Variants in CACNA2D3 observed in about 807,000 individuals in gnomAD.
CACNA2D3 encodes voltage-dependent calcium channel subunit alpha-2/delta-3.
In CACNA2D3, 60 loss-of-function variants were observed where a neutral mutation model predicts 160.6. The ratio of observed to expected loss-of-function variants is 0.37; its 90% confidence interval spans 0.30 to 0.46. CACNA2D3 has a LOEUF of 0.46. Among genes scored for constraint, CACNA2D3 ranks in the 20% least tolerant of loss-of-function variants. The pLI, the probability that CACNA2D3 is intolerant of heterozygous loss-of-function variation, is 1.00. For missense variants in CACNA2D3, 1,205 were observed against 1,365.0 expected (o/e 0.88, Z 1.85); for synonymous variants, 558 against 492.9 (o/e 1.13, Z -1.75).
At chr3:54,458,852 A>G (rs1054539288) in intron 4 of CACNA2D3, among the ~76,000 whole-genome samples, 36 of 152,004 alleles carry the variant, frequency 2.4e-4, no homozygotes, top group Non-Finnish European at 8.8e-5. Flanking sequence ...TACATGTGCC[A>G]TGCTGGTGTG....
chr3:54,990,184 A>G (rs952037212), intron 31 of CACNA2D3, among the ~76,000 whole-genome samples: 9 of 152,160 alleles, frequency 5.9e-5, no homozygotes, highest in Admixed American at 5.2e-4. Context: ...CTTGGACAGC[A>G]CCGGGCTGGC....
intron 11 of CACNA2D3, among the ~76,000 whole-genome samples, chr3:54,691,270 G>T (rs1246641003): frequency 6.6e-6 from 1 of 152,214 alleles, no homozygotes; most frequent in Non-Finnish European, 1.5e-5. Flanking sequence ...TAACAGTGTG[G>T]CCCTACATTG....
rs560668734 is a variant in CACNA2D3, at chr3:54,560,447, T to A, written c.545-2353T>A. Among the ~76,000 whole-genome samples the A allele has an allele frequency of 6.6e-5, 10 of 152,338 alleles. No individual in the cohort carries two copies. The South Asian group carries it at 2.1e-3, about 32-fold the overall frequency. On this transcript the variant is annotated intron_variant, in intron 5 of 37. Transcript: ENST00000474759. ...TTAATAGGATTGTTTTTCTTGTAAA[T>A]TTGTTTAAGTTCCTTATAGATGCTG...
chr3:54,612,695 C>A (rs1698767953), intron 9 of CACNA2D3, among the ~76,000 whole-genome samples: 1 of 152,112 alleles, frequency 6.6e-6, no homozygotes, highest in Admixed American at 6.5e-5. Flanking sequence ...TAGATAAGGT[C>A]CAGGGCGCTG....
At chr3:54,861,056 G>A (rs1397936186) in intron 17 of CACNA2D3, among the ~76,000 whole-genome samples, 1 of 152,134 alleles carries the variant, frequency 6.6e-6, no homozygotes, top group Non-Finnish European at 1.5e-5. Context: ...ACTGTCCTAG[G>A]CATGTGGTCC....
chr3:54,688,141 A>C (rs1700505375), intron 11 of CACNA2D3, among the ~76,000 whole-genome samples: 1 of 152,212 alleles, frequency 6.6e-6, no homozygotes, highest in Non-Finnish European at 1.5e-5. Flanking sequence ...AAACAGAAGA[A>C]AAGAATTAGC....
chr3:54,335,796 G>A (rs1375481703), intron 3 of CACNA2D3, among the ~76,000 whole-genome samples: 2 of 152,062 alleles, frequency 1.3e-5, no homozygotes, highest in Non-Finnish European at 2.9e-5. Context: ...ATGAGGTCAG[G>A]AGATCTAGAC....
At chr3:54,276,866 T>A (rs1035106997) in intron 2 of CACNA2D3, among the ~76,000 whole-genome samples, 5 of 152,262 alleles carry the variant, frequency 3.3e-5, no homozygotes, top group African/African-American at 1.2e-4. Flanking sequence ...CAGCTTTCCT[T>A]GATTGGGTTG....
In CACNA2D3 at chr3:54,280,678, A is replaced by G. The variant is rs1173073588; in HGVS notation, c.205-39764A>G. On this transcript the variant is annotated intron_variant, in intron 2 of 37. Coordinates refer to ENST00000474759, the MANE Select transcript of CACNA2D3 (RefSeq NM_018398.3). ...ATACAGTTTCCCCCTCAAGTTTAGC[A>G]ATAACAACCCTTCCCGACTCTGTTC... Among the ~76,000 whole-genome samples, 8 of 152,232 alleles carry G rather than the reference A, an allele frequency of 5.3e-5. No individual in the cohort carries two copies. In the East Asian group the frequency reaches 1.4e-3, roughly 26 times the overall value.
intron 35 of CACNA2D3, among the ~76,000 whole-genome samples, chr3:55,051,768 G>A (rs879231884): frequency 7.2e-5 from 11 of 152,140 alleles, no homozygotes; most frequent in East Asian, 1.9e-4. Context: ...CTCCGTGGGC[G>A]TAGGACCCTC....
At chr3:54,432,667 T>C (rs1700006493) in intron 4 of CACNA2D3, among the ~76,000 whole-genome samples, 1 of 152,204 alleles carries the variant, frequency 6.6e-6, no homozygotes. Context: ...ATTAAGAATG[T>C]GAGGCTTTCA....
At chr3:54,706,334 G>C (rs142160075) in intron 11 of CACNA2D3, among the ~76,000 whole-genome samples, 254 of 152,292 alleles carry the variant, frequency 1.7e-3, no homozygotes, top group African/African-American at 5.9e-3. Context: ...TCCCAAAGTC[G>C]TGGCAGTTCT....
intron 13 of CACNA2D3, among the ~76,000 whole-genome samples, chr3:54,797,714 G>C (rs1286533623): frequency 6.6e-6 from 1 of 152,160 alleles, no homozygotes; most frequent in Non-Finnish European, 1.5e-5. Flanking sequence ...GTCCTCTAAA[G>C]ATGAGTTCCA....
chr3:54,932,855 G>C (rs958728531), intron 27 of CACNA2D3, among the ~76,000 whole-genome samples: 8 of 152,222 alleles, frequency 5.3e-5, no homozygotes, highest in Non-Finnish European at 1.0e-4. Context: ...GCCAGGAATA[G>C]TGGGGAGTAG....
intron 35 of CACNA2D3, among the ~76,000 whole-genome samples, chr3:55,056,839 A>T (rs1023948668): frequency 6.6e-6 from 1 of 152,204 alleles, no homozygotes; most frequent in East Asian, 1.9e-4. Context: ...AAGGGTAAAA[A>T]ATCTCACACA....
intron 17 of CACNA2D3, among the ~76,000 whole-genome samples, chr3:54,868,775 AT>A (rs1450491273): frequency 6.6e-6 from 1 of 152,212 alleles, no homozygotes; most frequent in Admixed American, 6.5e-5. Flanking sequence ...CAGTAAAATT[AT>A]TGAATGGTCT....
At chr3:54,139,083 C>T (rs1699871916) in intron 2 of CACNA2D3, among the ~76,000 whole-genome samples, 1 of 152,214 alleles carries the variant, frequency 6.6e-6, no homozygotes, top group South Asian at 2.1e-4. Context: ...CGCTGCTTCT[C>T]CCTGGGCTTG....
chr3:54,322,456 T>A (rs1031940994), intron 3 of CACNA2D3, among the ~76,000 whole-genome samples: 8 of 152,164 alleles, frequency 5.3e-5, no homozygotes, highest in Non-Finnish European at 1.0e-4. Context: ...ACACTAGGAG[T>A]GAGACACTGT....
At chr3:54,541,306 A>G (rs1218043416) in intron 5 of CACNA2D3, among the ~76,000 whole-genome samples, 2 of 148,418 alleles carry the variant, frequency 1.3e-5, no homozygotes, top group African/African-American at 4.9e-5. Context: ...AAAAAAGAAA[A>G]GAAAAGAAAA....
Sources: gnomAD v4.1 joint callset for allele counts (sites outside exome capture counted in the v4.1 genomes callset) on GRCh38, gnomAD v4.1.1 for gene constraint, MANE v1.5 for transcripts, NCBI Gene and HGNC (gene_info 2026-07-23, HGNC 2026-07-21) for gene names.